The following SARDH variants were observed in gnomAD, a reference collection of about 807,000 sequenced individuals.
The protein encoded by SARDH is sarcosine dehydrogenase, mitochondrial.
SARDH carries 95 observed loss-of-function variants against 109.1 expected under a neutral mutation model. The observed-to-expected ratio is 0.87, with a 90% CI of 0.74 to 1.03. The LOEUF is 1.03. Ranked by LOEUF, SARDH falls within the 50% of genes least tolerant of loss-of-function variation. The pLI is 0.00. For missense variants in SARDH, 1,267 were observed against 1,287.8 expected, an observed-to-expected ratio of 0.98 and a Z score of 0.25; for synonymous variants, 572 against 534.8, an observed-to-expected ratio of 1.07 and a Z score of -0.96.
At chr9:133,683,029 TGCACCCCCC>T (rs1830754594) in intron 17 of SARDH, among the ~76,000 whole-genome samples, 1 of 152,216 alleles carries the variant, frequency 6.6e-6, no homozygotes, top group African/African-American at 2.4e-5. Context: ...CTGCACCCCC[TGCACCCCCC>T]ACGCTGTGTT....
intron 16 of SARDH, among the ~76,000 whole-genome samples, chr9:133,687,267 GTTTGT>G (rs1198148286): frequency 6.6e-6 from 1 of 152,136 alleles, no homozygotes; most frequent in African/African-American, 2.4e-5. Flanking sequence ...ATTGGTTTTG[GTTTGT>G]TTTGTTTCAT....
intron 17 of SARDH, among the ~76,000 whole-genome samples, chr9:133,677,531 C>T (rs944768955): frequency 6.6e-6 from 1 of 152,178 alleles, no homozygotes; most frequent in Admixed American, 6.5e-5. Flanking sequence ...GGAATCAAAC[C>T]CATGAAGGGT....
chr9:133,725,935 G>A (rs1001445154), intron 6 of SARDH, among the ~76,000 whole-genome samples: 4 of 152,182 alleles, frequency 2.6e-5, no homozygotes, highest in African/African-American at 9.7e-5. Flanking sequence ...AAGGGGATGT[G>A]CAGAGACCAG....
chr9:133,703,271 G>C, intron 12 of SARDH: 1 of 535,442 alleles, frequency 1.9e-6, no homozygotes, highest in South Asian at 2.3e-5. Flanking sequence ...CCAGGGCCCA[G>C]GAGGCTGGAG....
At chr9:133,727,956 A>G (rs1279162079) in intron 6 of SARDH, among the ~76,000 whole-genome samples, 1 of 151,994 alleles carries the variant, frequency 6.6e-6, no homozygotes, top group African/African-American at 2.4e-5. Flanking sequence ...CTGACGCCCC[A>G]GGACACAGCT....
chr9:133,700,518 A>C (rs2131407886), intron 13 of SARDH, among the ~76,000 whole-genome samples: 1 of 152,286 alleles, frequency 6.6e-6, no homozygotes, highest in East Asian at 1.9e-4. Flanking sequence ...AGAGAGAGAA[A>C]GTAGAGTAGG....
At chr9:133,685,053 T>TC in intron 17 of SARDH, 140 bp downstream of exon 17, 1 of 657,178 alleles carries the variant, frequency 1.5e-6, no homozygotes, top group Non-Finnish European at 2.6e-6. Flanking sequence ...GGTCCCACTG[T>TC]CCCCCCTTCA....
rs569207409 is a variant in SARDH, at chr9:133,693,408, C to T, written c.1921+850G>A. Among the ~76,000 whole-genome samples, 52 of 152,302 alleles carry T rather than the reference C, an allele frequency of 3.4e-4. No homozygotes were observed. Among genetic ancestry groups the T allele is most frequent in the Non-Finnish European group, 5.9e-4 (40 of 68,024 alleles). ...GAAACAACTACATTTGCCAGCAGCACGGAGTCAGGTCAAGAACCAGGAGAT... is the reference window on the plus strand; with the variant it reads ...GAAACAACTACATTTGCCAGCAGCATGGAGTCAGGTCAAGAACCAGGAGAT... On this transcript the variant is annotated intron_variant, in intron 15 of 20. Coordinates refer to ENST00000439388, the MANE Select transcript of SARDH (RefSeq NM_001134707.2). The surrounding 1 kb of genome is among the most constrained non-coding windows in gnomAD (Gnocchi z 5.6).
chr9:133,730,263 C>T (rs1832631774), intron 4 of SARDH, 76 bp from the exon 5 acceptor site: 10 of 1,574,006 alleles, frequency 6.4e-6, no homozygotes, highest in Admixed American at 1.7e-5. Context: ...CCAACCAACC[C>T]CTCCTCCCAG....
At chr9:133,720,019 G>A (rs1381379732) in intron 6 of SARDH, among the ~76,000 whole-genome samples, 1 of 152,176 alleles carries the variant, frequency 6.6e-6, no homozygotes, top group East Asian at 1.9e-4. Context: ...GCTGAGGCAG[G>A]AGAATGCGTG....
At chr9:133,699,012 A>G (rs1287816101) in intron 13 of SARDH, among the ~76,000 whole-genome samples, 13 of 152,216 alleles carry the variant, frequency 8.5e-5, no homozygotes, top group Admixed American at 8.5e-4. Context: ...CAGATCTGAT[A>G]AGAGACTTGT....
At chr9:133,690,810 C>T (rs932312205) in intron 15 of SARDH, among the ~76,000 whole-genome samples, 3 of 152,162 alleles carry the variant, frequency 2.0e-5, no homozygotes, top group African/African-American at 4.8e-5. Flanking sequence ...CCTGGGAGGA[C>T]GGTGTCTTGG....
chr9:133,672,820 G>C (rs191922488), intron 17 of SARDH, among the ~76,000 whole-genome samples: 1 of 152,244 alleles, frequency 6.6e-6, no homozygotes, highest in East Asian at 1.9e-4. Flanking sequence ...GTCGCAGACG[G>C]GCCTTCCAGG....
Position 133,734,113 on chromosome 9 carries a change from G to C in SARDH, c.61C>G (p.Arg21Gly), listed in dbSNP as rs764261978. 6.2e-7 allele frequency: 1 copy of C among 1,611,664 alleles called. No individual in the cohort carries two copies. The highest frequency in any genetic ancestry group is 2.2e-5 in the East Asian group (1 of 44,848). Residue 21 changes from arginine to glycine, a missense_variant, in exon 2 of 21, where the codon CGG becomes GGG. Physicochemically the swap from Arg to Gly is moderately radical, Grantham distance 125 (BLOSUM62 -2). Coordinates refer to ENST00000439388, the MANE Select transcript of SARDH (RefSeq NM_001134707.2). Reference sequence around the variant, plus strand: ...GACAGGTTGCATGGCCCCATGCCCCGGGTAGGGCTCTGGCGAGGGTGGGCA... The same window carrying C: ...GACAGGTTGCATGGCCCCATGCCCCCGGTAGGGCTCTGGCGAGGGTGGGCA... ...AAAHPRQSPT[R>G]GMGPCNLSSA... is the part of the protein sequence containing the mutation.
chr9:133,701,773 C>A (rs1434897977), intron 13 of SARDH, among the ~76,000 whole-genome samples: 1 of 152,202 alleles, frequency 6.6e-6, no homozygotes, highest in African/African-American at 2.4e-5. Context: ...CCTCTTCCGA[C>A]GCCTTGAACA....
At chr9:133,705,954 C>G (rs1365563769) in intron 11 of SARDH, among the ~76,000 whole-genome samples, 2 of 152,178 alleles carry the variant, frequency 1.3e-5, no homozygotes, top group Non-Finnish European at 2.9e-5. Context: ...AGAGCCCTCT[C>G]CAGGAACCCA....
Position 133,713,497 on chromosome 9 carries a change from A to G in SARDH, c.1151-373T>C, listed in dbSNP as rs969758200. On this transcript the variant is annotated intron_variant, in intron 8 of 20. Transcript: ENST00000439388. ...GCTGTGTCCCTGCCAGAGACTTGTCACTCCTGCCCACTGGACCTTGAGAGG... is the reference window on the plus strand; with the variant it reads ...GCTGTGTCCCTGCCAGAGACTTGTCGCTCCTGCCCACTGGACCTTGAGAGG... 4.6e-5 allele frequency among the ~76,000 whole-genome samples: 7 copies of G among 152,158 alleles called. No homozygotes were observed. In the East Asian group the frequency reaches 1.4e-3, roughly 29 times the overall value.
rs753200376 is a variant in SARDH, at chr9:133,708,341, G to A, written c.1416C>T (p.Phe472=). 5 of 1,613,390 alleles carry A rather than the reference G, an allele frequency of 3.1e-6. No homozygotes were observed. Among genetic ancestry groups the A allele is most frequent in the Non-Finnish European group, 4.2e-6 (5 of 1,179,748 alleles). ...GCCCGGCCAGCGGCTCATCGTGGGG[G>A]AAGACGACGGAGTAGTTCTTGGCGT... is the stretch of plus-strand genomic sequence containing the variant. The part of the protein sequence containing the change: ...ESYAKNYSVV[F]PHDEPLAGRN... Residue 472 remains phenylalanine, a synonymous_variant, in exon 11 of 21, where the codon TTC becomes TTT. Coordinates refer to ENST00000439388, the MANE Select transcript of SARDH (RefSeq NM_001134707.2).
intron 1 of SARDH, 62 bp from the exon 2 acceptor site, chr9:133,734,265 A>G: frequency 8.4e-7 from 1 of 1,189,446 alleles, no homozygotes; most frequent in East Asian, 2.8e-5. Context: ...TGTGCTGAGT[A>G]CCCAGGGAAA....
Sources: gnomAD v4.1 joint callset for allele counts (sites outside exome capture counted in the v4.1 genomes callset) on GRCh38, gnomAD v4.1.1 for gene constraint, Gnocchi (gnomAD v3.1) non-coding constraint, MANE v1.5 for transcripts, NCBI Gene and HGNC (gene_info 2026-07-23, HGNC 2026-07-21) for gene names.